FAM193A: variants seen among roughly 807,000 people sequenced by gnomAD.
FAM193A encodes protein FAM193A.
Under a neutral mutation model 126.5 loss-of-function variants are expected in FAM193A, and 22 were observed. The ratio of observed to expected loss-of-function variants is 0.17; its 90% CI spans 0.12 to 0.25. The LOEUF is 0.25. FAM193A is among the 10% of genes least tolerant of loss of function. FAM193A has a pLI of 1.00. For missense variants in FAM193A, 1,675 were observed against 1,672.8 expected (o/e 1.00, Z -0.02); for synonymous variants, 761 against 646.8 (o/e 1.18, Z -2.68).
At chr4:2,539,864 C>A (rs961674446) in intron 1 of FAM193A, among the ~76,000 whole-genome samples, 1 of 151,988 alleles carries the variant, frequency 6.6e-6, no homozygotes, top group Non-Finnish European at 1.5e-5. Flanking sequence ...TTCGGGAGGC[C>A]GAGGTGGGTG....
chr4:2,584,161 C>T (rs909905174), intron 1 of FAM193A, among the ~76,000 whole-genome samples: 6 of 152,014 alleles, frequency 3.9e-5, no homozygotes, highest in African/African-American at 1.4e-4. Flanking sequence ...TTGGAGGTGT[C>T]CCCCACTCCA....
chr4:2,622,223 C>T (rs1314668639), intron 2 of FAM193A, among the ~76,000 whole-genome samples: 2 of 136,044 alleles, frequency 1.5e-5, no homozygotes, highest in African/African-American at 5.6e-5. Flanking sequence ...CACCACTGCA[C>T]TCCAGCCTGG....
At chr4:2,572,884 G>A (rs1227458488) in intron 1 of FAM193A, among the ~76,000 whole-genome samples, 1 of 150,932 alleles carries the variant, frequency 6.6e-6, no homozygotes, top group Admixed American at 6.6e-5. Context: ...GGTGAGAGGC[G>A]ACAGTGGCGA....
chr4:2,707,746 T>TC (rs1388551012), intron 19 of FAM193A, among the ~76,000 whole-genome samples: 23 of 144,374 alleles, frequency 1.6e-4, no homozygotes, highest in Non-Finnish European at 2.8e-4. Context: ...AGAGTCTCAC[T>TC]CCATCACCCA....
At chr4:2,564,093 T>G (rs993491437) in intron 1 of FAM193A, among the ~76,000 whole-genome samples, 4 of 152,080 alleles carry the variant, frequency 2.6e-5, no homozygotes, top group Non-Finnish European at 5.9e-5. Context: ...TTTATTATAT[T>G]TGTTTATTTT....
chr4:2,698,989 C>CT (rs1229603058), intron 18 of FAM193A, among the ~76,000 whole-genome samples: 1 of 152,192 alleles, frequency 6.6e-6, no homozygotes, highest in Non-Finnish European at 1.5e-5. Flanking sequence ...CCTCAACCTC[C>CT]TGGCTTCAAG....
chr4:2,687,997 C>T (rs1264898932), intron 13 of FAM193A, among the ~76,000 whole-genome samples: 5 of 152,180 alleles, frequency 3.3e-5, no homozygotes, highest in African/African-American at 9.7e-5. Flanking sequence ...TTCTTAAGAA[C>T]CCTCCAGGGA....
intron 1 of FAM193A, among the ~76,000 whole-genome samples, chr4:2,579,239 A>T (rs1202852627): frequency 6.6e-6 from 1 of 152,078 alleles, no homozygotes; most frequent in Non-Finnish European, 1.5e-5. Flanking sequence ...TCACGCCTGT[A>T]ATCCCAGCAC....
chr4:2,708,592 A>G (rs1417501188), intron 19 of FAM193A, among the ~76,000 whole-genome samples: 1 of 151,708 alleles, frequency 6.6e-6, no homozygotes, highest in Non-Finnish European at 1.5e-5. Context: ...CCTCCCAAGT[A>G]GCTGGGATTA....
intron 2 of FAM193A, among the ~76,000 whole-genome samples, chr4:2,612,860 A>G (rs114824932): frequency 0.024 from 3,705 of 152,302 alleles, 74 homozygotes; most frequent in Non-Finnish European, 0.041. Flanking sequence ...ATAGATGTCT[A>G]CCAACTTTCT....
At chr4:2,625,658 C>T (rs1382671742) in intron 3 of FAM193A, 4 of 261,200 alleles carry the variant, frequency 1.5e-5, no homozygotes, top group Admixed American at 5.4e-5. Context: ...ATGAGAGGAG[C>T]GATGGGGGAG....
At chr4:2,616,079 C>G (rs1027466958) in intron 2 of FAM193A, among the ~76,000 whole-genome samples, 14 of 152,314 alleles carry the variant, frequency 9.2e-5, no homozygotes, top group African/African-American at 3.4e-4. Context: ...TGGGTTAAGG[C>G]TTGAGCCACC....
At chr4:2,560,341 C>T (rs1738534615) in intron 1 of FAM193A, among the ~76,000 whole-genome samples, 1 of 152,142 alleles carries the variant, frequency 6.6e-6, no homozygotes, top group Non-Finnish European at 1.5e-5. Context: ...AGCATTTCTT[C>T]ACCGTCCGAG....
intron 16 of FAM193A, among the ~76,000 whole-genome samples, chr4:2,694,273 T>C (rs1419115567): frequency 1.3e-5 from 2 of 152,068 alleles, no homozygotes; most frequent in African/African-American, 4.8e-5. Context: ...TTTTTGTTTT[T>C]TGTTTTTTTT....
chr4:2,650,186 A>G (rs1269934142), intron 7 of FAM193A, among the ~76,000 whole-genome samples: 2 of 152,228 alleles, frequency 1.3e-5, no homozygotes, highest in East Asian at 3.8e-4. Flanking sequence ...AATAAATGTG[A>G]TGAGCTTGAA....
rs186074367 is a variant in FAM193A at position 2,703,230 on chromosome 4, C to T, written c.4372+2686C>T. On this transcript the variant is annotated intron_variant, in intron 19 of 20. Transcript: ENST00000637812. The stretch of plus-strand genomic sequence containing the variant: ...CTTTGTGCGAGCGTTTAGGTTGTTT[C>T]TAATGCTTTGGTTTTTTGTTTTTGT... 1.7e-3 allele frequency among the ~76,000 whole-genome samples: 261 copies of T among 152,220 alleles called. 1 individual carries two copies. The highest frequency in any genetic ancestry group is 6.1e-3 in the African/African-American group (253 of 41,544).
rs1466779733 is a variant in FAM193A at position 2,590,491 on chromosome 4, A to G, written c.256-5593A>G. Among the ~76,000 whole-genome samples, 68 of 102,724 alleles carry G rather than the reference A, an allele frequency of 6.6e-4. 8 individuals are homozygous for G. The East Asian group carries it at 0.014, about 22-fold the overall frequency. The allele number at this position is 102,724 out of a possible 152,430, so 67.4% of individuals were successfully genotyped here. A position where few individuals can be genotyped will look rare whatever the true frequency, so the allele number is the denominator to read the frequency against. The stretch of plus-strand genomic sequence containing the variant: ...AAAAAAAAAACAAAAAAAAACAAAA[A>G]AAAACAAAAAAAAACAAAAAAAAAA... On this transcript the variant is annotated intron_variant, in intron 1 of 20. Transcript: ENST00000637812.
intron 1 of FAM193A, among the ~76,000 whole-genome samples, chr4:2,573,898 A>T (rs535782936): frequency 3.0e-4 from 46 of 152,132 alleles, no homozygotes; most frequent in Admixed American, 5.9e-4. Flanking sequence ...GTTTCTAGTC[A>T]AAGGGAGACA....
chr4:2,598,946 C>T (rs148780038), intron 2 of FAM193A, among the ~76,000 whole-genome samples: 1,615 of 152,328 alleles, frequency 0.011, 27 homozygotes, highest in African/African-American at 0.036. Flanking sequence ...AGCGAGCCCA[C>T]CTCTGCCCGG....
Sources: allele counts gnomAD v4.1 joint callset (sites outside exome capture counted in the v4.1 genomes callset), GRCh38; gene constraint gnomAD v4.1.1; transcripts MANE v1.5; gene names NCBI Gene and HGNC (gene_info 2026-07-23, HGNC 2026-07-21).